Variants in MAGI1 observed in about 807,000 individuals in gnomAD.
MAGI1 encodes the protein membrane-associated guanylate kinase, WW and PDZ domain-containing protein 1.
A neutral mutation model predicts 139.9 loss-of-function variants in MAGI1; 58 were observed. The observed-to-expected ratio is 0.41, with a 90% CI of 0.34 to 0.52. The LOEUF (loss-of-function observed/expected upper bound fraction) is 0.52. MAGI1 is among the 20% of genes least tolerant of loss of function. The probability of loss-of-function intolerance (pLI) is 0.12; values close to 1 mark genes in which losing one functional copy is unlikely to be tolerated. For missense variants in MAGI1, 1,874 were observed against 1,901.6 expected (o/e 0.99, Z 0.27); for synonymous variants, 812 against 737.9 (o/e 1.10, Z -1.63).
chr3:65,356,036 T>G lies in MAGI1; in HGVS notation c.*342A>C. The G allele has an allele frequency of 5.4e-6, 1 of 185,112 alleles. No individual in the cohort carries two copies. The highest frequency in any genetic ancestry group is 1.1e-5 in the Non-Finnish European group (1 of 90,604). 11.5% of individuals were successfully genotyped at this position (185,112 alleles called of 1,614,324 possible). On this transcript the variant is annotated 3_prime_UTR_variant, in exon 23 of 23. Transcript: ENST00000402939. ...GTAGAGAAAATGATCAACAGCCCCA[T>G]TTAACCAGGAGAGAAAAAGATTGCC... is the stretch of plus-strand genomic sequence containing the variant.
rs191123748 is a variant in MAGI1 at position 65,562,877 on chromosome 3, G to A, written c.430+59095C>T. Among the ~76,000 whole-genome samples, 116 of 152,206 alleles carry A rather than the reference G, an allele frequency of 7.6e-4. 1 individual carries two copies. Among genetic ancestry groups the A allele is most frequent in the African/African-American group, 2.7e-3 (113 of 41,518 alleles). On this transcript the variant is annotated intron_variant, in intron 2 of 22. Coordinates refer to ENST00000402939, the MANE Select transcript of MAGI1 (RefSeq NM_001033057.2). ...TTTAACACACACAGTGTTCATTCTTGCATCCATCTTTTAAAGTAGATTAAC... is the reference window on the plus strand; with the variant it reads ...TTTAACACACACAGTGTTCATTCTTACATCCATCTTTTAAAGTAGATTAAC...
At chr3:65,912,242 A>AAG (rs1353860434) in intron 1 of MAGI1, among the ~76,000 whole-genome samples, 1 of 151,916 alleles carries the variant, frequency 6.6e-6, no homozygotes, top group Non-Finnish European at 1.5e-5. Context: ...ATCTCAAAAA[A>AAG]AAAAAAAAAA....
chr3:65,535,633 T>C (rs1175787241), intron 2 of MAGI1, among the ~76,000 whole-genome samples: 3 of 152,232 alleles, frequency 2.0e-5, no homozygotes, highest in Non-Finnish European at 2.9e-5. Context: ...TCTCTTCTAA[T>C]GGAATGAAAC....
intron 1 of MAGI1, among the ~76,000 whole-genome samples, chr3:65,970,479 C>A (rs553756270): frequency 6.7e-6 from 1 of 149,690 alleles, no homozygotes; most frequent in South Asian, 2.1e-4. Context: ...GCAAAAGTGG[C>A]TAAAAGGGTA....
Position 65,749,153 on chromosome 3 carries a change from T to C in MAGI1, c.314-127065A>G, listed in dbSNP as rs187005972. Among the ~76,000 whole-genome samples the C allele has an allele frequency of 1.3e-3, 203 of 152,272 alleles. No individual in the cohort carries two copies. In the Middle Eastern group the frequency reaches 0.014, roughly 10 times the overall value. ...CTTCCAAGACTTCATCATGTTAAGA[T>C]GCAAGGCACTCAGTGGTAGCCAGCA... On this transcript the variant is annotated intron_variant, in intron 1 of 22. Coordinates refer to ENST00000402939, the MANE Select transcript of MAGI1 (RefSeq NM_001033057.2).
chr3:65,818,064 GTGTGTC>G (rs1241374719), intron 1 of MAGI1, among the ~76,000 whole-genome samples: 13 of 151,814 alleles, frequency 8.6e-5, no homozygotes, highest in Non-Finnish European at 1.3e-4. Context: ...GTGTGTGTGT[GTGTGTC>G]TCTCTCTTTG....
At chr3:65,931,117 C>T (rs1395141662) in intron 1 of MAGI1, among the ~76,000 whole-genome samples, 2 of 151,980 alleles carry the variant, frequency 1.3e-5, no homozygotes, top group African/African-American at 2.4e-5. Flanking sequence ...ACTGCAACCT[C>T]CACCTGCCAG....
intron 1 of MAGI1, among the ~76,000 whole-genome samples, chr3:65,956,307 T>G (rs1339673531): frequency 6.6e-6 from 1 of 152,192 alleles, no homozygotes; most frequent in Non-Finnish European, 1.5e-5. Flanking sequence ...GAATTTAAAA[T>G]GACATCCCTT....
chr3:65,677,695 C>A (rs1348635308), intron 1 of MAGI1, among the ~76,000 whole-genome samples: 1 of 152,192 alleles, frequency 6.6e-6, no homozygotes. Flanking sequence ...GGAACCTCTG[C>A]ACTTTCTCCC....
At chr3:65,873,542 G>A (rs986110740) in intron 1 of MAGI1, 3 of 152,196 alleles carry the variant, frequency 2.0e-5, no homozygotes, top group African/African-American at 7.2e-5. Flanking sequence ...TGATCACAAA[G>A]GTTTCAGACA....
chr3:65,414,733 T>A (rs1386995232), intron 12 of MAGI1, among the ~76,000 whole-genome samples: 3 of 151,578 alleles, frequency 2.0e-5, no homozygotes, highest in Non-Finnish European at 4.4e-5. Context: ...AACAACCTTT[T>A]CATAAGAAAA....
At chr3:65,830,175 C>T (rs774413485) in intron 1 of MAGI1, among the ~76,000 whole-genome samples, 1 of 152,136 alleles carries the variant, frequency 6.6e-6, no homozygotes, top group African/African-American at 2.4e-5. Flanking sequence ...GGTCTTGGCA[C>T]ATACTGTGTC....
At chr3:65,890,613 A>G (rs906456280) in intron 1 of MAGI1, among the ~76,000 whole-genome samples, 9 of 152,202 alleles carry the variant, frequency 5.9e-5, no homozygotes, top group African/African-American at 2.2e-4. Context: ...CAACGCAAAC[A>G]CTTCTTTAAA....
chr3:66,033,590 A>T (rs1187181726), intron 1 of MAGI1, among the ~76,000 whole-genome samples: 1 of 152,238 alleles, frequency 6.6e-6, no homozygotes, highest in Non-Finnish European at 1.5e-5. Flanking sequence ...CAATGAATCA[A>T]AACAATACCA....
chr3:65,692,173 C>A (rs1037351903), intron 1 of MAGI1, among the ~76,000 whole-genome samples: 3 of 151,926 alleles, frequency 2.0e-5, no homozygotes, highest in South Asian at 2.1e-4. Context: ...CAGTGAGACA[C>A]AGAACTCAAG....
Position 65,375,879 on chromosome 3 carries a change from C to A in MAGI1, c.3062G>T (p.Cys1021Phe). 1 of 1,614,138 alleles carries A rather than the reference C, an allele frequency of 6.2e-7. No homozygotes were observed. The highest frequency in any genetic ancestry group is 8.5e-7 in the Non-Finnish European group (1 of 1,180,022). Reference sequence around the variant, plus strand: ...CCGGTCTCCTACTTTCAGCTTGCCACAGCGGTCAGCAGGGCTCCCCTCAAT... The same window carrying A: ...CCGGTCTCCTACTTTCAGCTTGCCAAAGCGGTCAGCAGGGCTCCCCTCAAT... The part of the protein sequence containing the change: ...RIIEGSPADR[C>F]GKLKVGDRIL... Residue 1021 changes from cysteine (C) to phenylalanine (F), a missense_variant, in exon 18 of 23, where the codon TGT becomes TTT. Physicochemically the swap from Cys to Phe is radical, Grantham distance 205. Around this residue, in one of 5 missense-constraint regions of MAGI1, gnomAD observed 653 missense variants for 644.5 expected, o/e 1.01. Transcript: ENST00000402939.
At chr3:65,530,808 CACAT>C (rs1559643136) in intron 2 of MAGI1, among the ~76,000 whole-genome samples, 2 of 66,736 alleles carry the variant, frequency 3.0e-5, no homozygotes, top group East Asian at 3.2e-4. Flanking sequence ...TATATATACA[CACAT>C]ATATATACAC....
At chr3:65,520,258 G>A (rs2078092064) in intron 2 of MAGI1, among the ~76,000 whole-genome samples, 1 of 152,096 alleles carries the variant, frequency 6.6e-6, no homozygotes, top group African/African-American at 2.4e-5. Context: ...CACAGCAACA[G>A]ATAACCAAAA....
intron 1 of MAGI1, among the ~76,000 whole-genome samples, chr3:65,999,855 CCA>C (rs960543960): frequency 6.6e-6 from 1 of 151,798 alleles, no homozygotes; most frequent in African/African-American, 2.4e-5. Context: ...GCCACTGTAA[CCA>C]CACAGAGTTA....
Sources: allele counts gnomAD v4.1 joint callset (sites outside exome capture counted in the v4.1 genomes callset), GRCh38; gene constraint gnomAD v4.1.1; regional missense constraint gnomAD v4.1.1; transcripts MANE v1.5; gene names NCBI Gene and HGNC (gene_info 2026-07-23, HGNC 2026-07-21).